Variants in STX8 observed in about 807,000 individuals in gnomAD.
STX8 encodes the protein syntaxin-8.
STX8 carries 23 observed loss-of-function variants against 37.5 expected under a neutral mutation model. That is an observed-to-expected ratio of 0.61 (90% CI 0.44 to 0.87). The LOEUF is 0.87. Ranked by LOEUF, STX8 falls within the 40% of genes least tolerant of loss-of-function variation. STX8 has a pLI of 0.00. For synonymous variants in STX8, 115 were observed against 99.1 expected, an observed-to-expected ratio of 1.16 and a Z score of -0.95; for missense variants, 313 against 284.7, an observed-to-expected ratio of 1.10 and a Z score of -0.71.
At chr17:9,360,746 G>A (rs908531154) in intron 7 of STX8, among the ~76,000 whole-genome samples, 1 of 151,758 alleles carries the variant, frequency 6.6e-6, no homozygotes, top group African/African-American at 2.4e-5. Context: ...GAGAAATACG[G>A]GCTGTTTCGA....
At chr17:9,547,784 T>TC (rs2142575450) in intron 3 of STX8, among the ~76,000 whole-genome samples, 1 of 80,138 alleles carries the variant, frequency 1.2e-5, no homozygotes, top group African/African-American at 5.4e-5. Flanking sequence ...TTTCTTTTCT[T>TC]TTTTTTTTTT....
At chr17:9,485,859 T>G (rs1403592281) in intron 6 of STX8, among the ~76,000 whole-genome samples, 2 of 152,154 alleles carry the variant, frequency 1.3e-5, no homozygotes, top group Non-Finnish European at 2.9e-5. Context: ...GTACTGGGAT[T>G]ACAGGCATAA....
rs754430449 is a variant in STX8 at position 9,491,078 on chromosome 17, C to T, written c.541+751G>A. Among the ~76,000 whole-genome samples, 7 of 152,276 alleles carry T rather than the reference C, an allele frequency of 4.6e-5. No homozygotes were observed. In the South Asian group the frequency reaches 1.0e-3, roughly 23 times the overall value. On this transcript the variant is annotated intron_variant, in intron 6 of 7. Transcript: ENST00000306357. ...TGCTCCCATCTCTTCTCTTTGGCTCCGCCCTCTCCCTGAGCTCTGGTACCC... is the reference window on the plus strand; with the variant it reads ...TGCTCCCATCTCTTCTCTTTGGCTCTGCCCTCTCCCTGAGCTCTGGTACCC...
chr17:9,355,744 G>A (rs1488809301), intron 7 of STX8, among the ~76,000 whole-genome samples: 3 of 151,934 alleles, frequency 2.0e-5, no homozygotes, highest in African/African-American at 7.3e-5. Flanking sequence ...TTCTGACCTC[G>A]TGATCTGCCC....
At position 9,362,836 on chromosome 17, in the gene STX8, A is replaced by ATAAAT. The variant is rs1555601139; in HGVS notation, c.643+15715_643+15716insATTTA. Among the ~76,000 whole-genome samples, 78 of 106,882 alleles carry ATAAAT rather than the reference A, an allele frequency of 7.3e-4. 1 individual carries two copies. Among genetic ancestry groups the ATAAAT allele is most frequent in the African/African-American group, 5.1e-3 (74 of 14,640 alleles). The allele number at this position is 106,882 out of a possible 152,430, so 70.1% of individuals were successfully genotyped here. A position where few individuals can be genotyped will look rare whatever the true frequency, so the allele number is the denominator to read the frequency against. ...AGAGTGAGACTCCGTCTCAAAAAAA[A>ATAAAT]AAAAAAATAAATAAATAAATAAATA... is the stretch of plus-strand genomic sequence containing the variant. On this transcript the variant is annotated intron_variant, in intron 7 of 7. Coordinates refer to ENST00000306357, the MANE Select transcript of STX8 (RefSeq NM_004853.3).
chr17:9,324,756 A>G (rs1335003217), intron 7 of STX8, among the ~76,000 whole-genome samples: 1 of 132,578 alleles, frequency 7.5e-6, no homozygotes, highest in Non-Finnish European at 1.6e-5. Context: ...CAAGAGCAAA[A>G]CTCCATCTCA....
intron 6 of STX8, among the ~76,000 whole-genome samples, chr17:9,431,115 C>A (rs568039110): frequency 2.0e-5 from 3 of 151,558 alleles, no homozygotes; most frequent in African/African-American, 7.3e-5. Flanking sequence ...CTTGGTCTCC[C>A]AAAGTGCTGG....
At chr17:9,307,200 C>A (rs184942110) in intron 7 of STX8, among the ~76,000 whole-genome samples, 27 of 152,322 alleles carry the variant, frequency 1.8e-4, no homozygotes, top group Admixed American at 1.6e-3. Context: ...ATCAGTGCCA[C>A]TGTGCTGCAT....
At chr17:9,456,284 G>C (rs1199192363) in intron 6 of STX8, among the ~76,000 whole-genome samples, 1 of 152,202 alleles carries the variant, frequency 6.6e-6, no homozygotes, top group African/African-American at 2.4e-5. Flanking sequence ...GATGAAGCGA[G>C]TCTTGTGGGT....
At chr17:9,517,665 G>T (rs1905192938) in intron 4 of STX8, among the ~76,000 whole-genome samples, 1 of 151,862 alleles carries the variant, frequency 6.6e-6, no homozygotes, top group Non-Finnish European at 1.5e-5. Context: ...TTTCATAAAG[G>T]TAAGGAGGTT....
rs1421772137 is a variant in STX8, at chr17:9,302,140, A to T, written c.644-51495T>A. On this transcript the variant is annotated intron_variant, in intron 7 of 7. Coordinates refer to ENST00000306357, the MANE Select transcript of STX8 (RefSeq NM_004853.3). ...ACTGTTCCATTTATGTTCTCTAATTACTCTTTAAACTATTTTGGGAACTTG... is the reference window on the plus strand; with the variant it reads ...ACTGTTCCATTTATGTTCTCTAATTTCTCTTTAAACTATTTTGGGAACTTG... Among the ~76,000 whole-genome samples the T allele has an allele frequency of 4.6e-5, 7 of 152,026 alleles. No homozygotes were observed. The East Asian group carries it at 1.3e-3, about 29-fold the overall frequency.
chr17:9,508,473 G>T (rs544790822), intron 4 of STX8, among the ~76,000 whole-genome samples: 1 of 152,224 alleles, frequency 6.6e-6, no homozygotes, highest in Admixed American at 6.5e-5. Flanking sequence ...GACTACAGGG[G>T]CATGCCATCA....
intron 7 of STX8, among the ~76,000 whole-genome samples, chr17:9,306,331 T>C (rs1039043838): frequency 1.2e-4 from 19 of 152,080 alleles, no homozygotes; most frequent in African/African-American, 4.6e-4. Context: ...ACCTGAAAAC[T>C]TTCTCAAAGC....
intron 2 of STX8, among the ~76,000 whole-genome samples, chr17:9,559,714 A>T (rs1000078945): frequency 2.2e-5 from 3 of 138,610 alleles, no homozygotes; most frequent in African/African-American, 8.0e-5. Context: ...AAGAGAATCA[A>T]CTGAAAGATT....
intron 7 of STX8, among the ~76,000 whole-genome samples, chr17:9,259,829 G>C (rs1906941724): frequency 6.6e-6 from 1 of 152,160 alleles, no homozygotes; most frequent in African/African-American, 2.4e-5. Context: ...CAGCTACGCG[G>C]GAGAAAAGGT....
intron 7 of STX8, among the ~76,000 whole-genome samples, chr17:9,370,739 C>A (rs1434890617): frequency 6.6e-6 from 1 of 152,096 alleles, no homozygotes; most frequent in Non-Finnish European, 1.5e-5. Flanking sequence ...ACAATTGGCG[C>A]CCTCTGTCAG....
chr17:9,353,914 G>C (rs2142249103), intron 7 of STX8, among the ~76,000 whole-genome samples: 1 of 151,474 alleles, frequency 6.6e-6, no homozygotes, highest in East Asian at 1.9e-4. Context: ...AAGCTAAAAA[G>C]TCAAGTAATC....
chr17:9,340,394 A>G (rs377567906), intron 7 of STX8, among the ~76,000 whole-genome samples: 1 of 152,344 alleles, frequency 6.6e-6, no homozygotes, highest in East Asian at 1.9e-4. Context: ...TCACAAAATG[A>G]AAATTAGAAG....
chr17:9,371,717 T>A (rs1051245969), intron 7 of STX8, among the ~76,000 whole-genome samples: 2 of 152,188 alleles, frequency 1.3e-5, no homozygotes, highest in South Asian at 2.1e-4. Flanking sequence ...CTGGATTTTT[T>A]AATTTCAGTT....
Sources: gnomAD v4.1 joint callset for allele counts (sites outside exome capture counted in the v4.1 genomes callset) on GRCh38, gnomAD v4.1.1 for gene constraint, MANE v1.5 for transcripts, NCBI Gene and HGNC (gene_info 2026-07-23, HGNC 2026-07-21) for gene names.